Variants in SYT12 observed in about 807,000 individuals in gnomAD.
SYT12 encodes synaptotagmin 12, also known as synaptotagmin-12.
SYT12 carries 27 observed loss-of-function variants against 39.5 expected under a neutral mutation model. The observed-to-expected ratio is 0.68, with a 90% confidence interval of 0.50 to 0.94. The LOEUF (loss-of-function observed/expected upper bound fraction) is 0.94. SYT12 is among the 40% of genes least tolerant of loss of function. The probability of loss-of-function intolerance (pLI) is 0.00; values close to 1 mark genes in which losing one functional copy is unlikely to be tolerated. For synonymous variants in SYT12, 233 were observed against 239.7 expected (o/e 0.97, Z 0.26); for missense variants, 536 against 572.6 (o/e 0.94, Z 0.65).
At chr11:67,012,997 G>A (rs781075682) in intron 3 of SYT12, among the ~76,000 whole-genome samples, 1 of 152,150 alleles carries the variant, frequency 6.6e-6, no homozygotes, top group African/African-American at 2.4e-5. Context: ...GAATCTGCCC[G>A]TCATTCCTGA....
chr11:67,019,305 T>C (rs1012830589), upstream of SYT12, among the ~76,000 whole-genome samples: 1 of 151,920 alleles, frequency 6.6e-6, no homozygotes, highest in Non-Finnish European at 1.5e-5. Context: ...AAACCCCATC[T>C]CTACTAAAAA....
intron 1 of SYT12, 69 bp downstream of exon 1, chr11:67,023,529 C>G (rs1346406880): frequency 6.6e-6 from 1 of 151,906 alleles, no homozygotes; most frequent in Non-Finnish European, 1.5e-5. Flanking sequence ...GCACGCAGCC[C>G]CCTCCTCGGG....
chr11:67,036,946 G>C (rs1255569493), intron 3 of SYT12, among the ~76,000 whole-genome samples: 1 of 152,212 alleles, frequency 6.6e-6, no homozygotes, highest in Non-Finnish European at 1.5e-5. Flanking sequence ...GGTGGCGCAT[G>C]CCTGTAATCC....
chr11:67,008,829 A>G (rs1949990925), intron 1 of SYT12, among the ~76,000 whole-genome samples: 1 of 152,194 alleles, frequency 6.6e-6, no homozygotes, highest in South Asian at 2.1e-4. Context: ...GGCGTGAGCC[A>G]CTGCACCCAG....
intron 3 of SYT12, 85 bp downstream of exon 3, chr11:67,034,923 C>T (rs970678012): frequency 2.3e-5 from 25 of 1,077,358 alleles, no homozygotes; most frequent in Non-Finnish European, 2.9e-5. Flanking sequence ...GCCCCTCTCC[C>T]TCCGTCACCA....
In SYT12 at chr11:67,045,787, G is replaced by A. The variant is rs1299293281; in HGVS notation, c.1002G>A (p.Met334Ile). The A allele has an allele frequency of 6.2e-7, 1 of 1,613,900 alleles. No individual in the cohort carries two copies. The highest frequency in any genetic ancestry group is 1.7e-5 in the Admixed American group (1 of 59,974). The change falls in exon 7 of 8, where the codon ATG (methionine) becomes ATA (isoleucine). Residue 334 changes from methionine (M) to isoleucine (I), a missense_variant. Transcript: ENST00000527043. ...KVYLLQDGRK[M>I]SKKKTAVKRD... is the part of the protein sequence containing the mutation. ...ACCTGCTGCAGGATGGGAGGAAGAT[G>A]AGCAAAAAGAAGACAGCCGTGAAGA...
In SYT12 at chr11:67,050,463, A is replaced by G. The variant is rs1854717024; in HGVS notation, c.*1706A>G. ...CAGTGATATGGGGGGAGGAGGGGCT[A>G]GAACAAGGGCCCAGGGGACTGGAGG... On this transcript the variant is annotated 3_prime_UTR_variant, in exon 8 of 8. Transcript: ENST00000527043. The G allele has an allele frequency of 6.6e-6, 1 of 152,646 alleles. No homozygotes were observed. The highest frequency in any genetic ancestry group is 6.5e-5 in the Admixed American group (1 of 15,292). 9.5% of individuals were successfully genotyped at this position (152,646 alleles called of 1,614,324 possible). A position where few individuals can be genotyped will look rare whatever the true frequency, so the allele number is the denominator to read the frequency against.
At position 67,049,442 on chromosome 11, in the gene SYT12, C is replaced by T. The variant is rs182582338; in HGVS notation, c.*685C>T. The T allele has an allele frequency of 3.9e-5, 6 of 152,366 alleles. No homozygotes were observed. Among genetic ancestry groups the T allele is most frequent in the Admixed American group, 3.9e-4 (6 of 15,302 alleles). The allele number at this position is 152,366 out of a possible 1,614,324, so 9.4% of individuals were successfully genotyped here. A position where few individuals can be genotyped will look rare whatever the true frequency, so the allele number is the denominator to read the frequency against. On this transcript the variant is annotated 3_prime_UTR_variant, in exon 8 of 8. Coordinates refer to ENST00000527043, the MANE Select transcript of SYT12 (RefSeq NM_177963.4). ...GGCCCGGGCAGCAGCCTACCGGCCA[C>T]GTGGAACACTGGCTCCGGAGTTATT...
rs78683901 is a variant in SYT12, at chr11:67,048,750, G to A, written c.1259G>A (p.Arg420Gln). ...RPVSMWHAVR[R>Q]N ...GTGTCCATGTGGCACGCTGTCCGGCGAAACTAGCAACCAGGGCGGGCCAGT... is the reference window on the plus strand; with the variant it reads ...GTGTCCATGTGGCACGCTGTCCGGCAAAACTAGCAACCAGGGCGGGCCAGT... Residue 420 changes from arginine (R) to glutamine (Q), a missense_variant, in exon 8 of 8, where the codon CGA becomes CAA. Arg to Gln is a conservative substitution (Grantham distance 43, BLOSUM62 1). Coordinates refer to ENST00000527043, the MANE Select transcript of SYT12 (RefSeq NM_177963.4). 2.9e-4 allele frequency: 469 copies of A among 1,593,644 alleles called. No homozygotes were observed. In the African/African-American group the frequency reaches 5.1e-3, roughly 17 times the overall value.
At chr11:67,022,519 C>G (rs949174851), upstream of SYT12, among the ~76,000 whole-genome samples, 7 of 152,252 alleles carry the variant, frequency 4.6e-5, no homozygotes, top group African/African-American at 1.7e-4. Flanking sequence ...GATGGAAGAT[C>G]GCCCACACCT....
chr11:67,043,915 G>C, intron 5 of SYT12, 62 bp downstream of exon 5: 1 of 1,480,952 alleles, frequency 6.8e-7, no homozygotes, highest in East Asian at 2.3e-5. Flanking sequence ...CTTCCAGGAA[G>C]GGACTCCATC....
chr11:67,016,806 G>C (rs1950062775), intron 3 of SYT12, among the ~76,000 whole-genome samples: 2 of 151,996 alleles, frequency 1.3e-5, no homozygotes, highest in Non-Finnish European at 2.9e-5. Context: ...AGCCAGCACT[G>C]CCCCAGAGGA....
intron 7 of SYT12, 102 bp from the exon 8 acceptor site, chr11:67,048,482 T>A: frequency 7.7e-7 from 1 of 1,306,554 alleles, no homozygotes; most frequent in Non-Finnish European, 1.1e-6. Context: ...GAGCTGTGCC[T>A]GGCACCCCAC....
At position 67,036,639 on chromosome 11, in the gene SYT12, GA is replaced by G. The variant is rs1318742469; in HGVS notation, c.228+1808del. Among the ~76,000 whole-genome samples, 12 of 152,062 alleles carry G rather than the reference GA, an allele frequency of 7.9e-5. No individual in the cohort carries two copies. In the East Asian group the frequency reaches 2.1e-3, roughly 27 times the overall value. On this transcript the variant is annotated intron_variant, in intron 3 of 7. Coordinates refer to ENST00000527043, the MANE Select transcript of SYT12 (RefSeq NM_177963.4). Reference sequence around the variant, plus strand: ...CACGCTGTTGGGGGAATGTAAATTTGAAAAAAATTTTCCAGGCCTGGTGTGG... The same window carrying G: ...CACGCTGTTGGGGGAATGTAAATTTGAAAAAATTTTCCAGGCCTGGTGTGG...
chr11:67,046,586 T>A (rs555838972), intron 7 of SYT12, among the ~76,000 whole-genome samples: 1 of 152,316 alleles, frequency 6.6e-6, no homozygotes, highest in East Asian at 1.9e-4. Context: ...TCTGCCTCAC[T>A]CTGAGTGTTC....
chr11:67,015,471 TG>T lies in SYT12; in HGVS notation c.-69+4483del, dbSNP rs111228737. ...CTTTACCCTGGTGTGGAGGCGGTGG[TG>T]GGGGGTTGTGGCATGATGGGAGTCC... On this transcript the variant is annotated intron_variant, in intron 3 of 10. Transcript: ENST00000393946. Among the ~76,000 whole-genome samples the T allele has an allele frequency of 3.4e-5, 5 of 148,616 alleles. 1 individual carries two copies. The highest frequency in any genetic ancestry group is 1.2e-4 in the African/African-American group (5 of 40,216).
rs1281926595 is a variant in SYT12 at position 67,035,833 on chromosome 11, CCTTCCTTTCTTT to C, written c.228+999_228+1010del. 5.9e-4 allele frequency among the ~76,000 whole-genome samples: 60 copies of C among 102,476 alleles called. No individual in the cohort carries two copies. The Middle Eastern group carries it at 0.016, about 28-fold the overall frequency. 67.2% of individuals were successfully genotyped at this position (102,476 alleles called of 152,430 possible). A position where few individuals can be genotyped will look rare whatever the true frequency, so the allele number is the denominator to read the frequency against. ...TCCTTCCTTCCTTCCTTCCTTCCTTCCTTCCTTTCTTTCTTTCTTTCTTTCTTTCTTTCTTTC... is the reference window on the plus strand; with the variant it reads ...TCCTTCCTTCCTTCCTTCCTTCCTTCCTTTCTTTCTTTCTTTCTTTCTTTC... On this transcript the variant is annotated intron_variant, in intron 3 of 7. Transcript: ENST00000527043.
chr11:67,039,513 C>T (rs1290541385), intron 3 of SYT12, among the ~76,000 whole-genome samples: 2 of 152,066 alleles, frequency 1.3e-5, no homozygotes, highest in Non-Finnish European at 2.9e-5. Flanking sequence ...ACTCAGGAGG[C>T]TGAGGCAGGA....
intron 3 of SYT12, among the ~76,000 whole-genome samples, chr11:67,017,286 C>T (rs575122108): frequency 2.6e-5 from 4 of 151,850 alleles, no homozygotes; most frequent in Middle Eastern, 3.4e-3. Flanking sequence ...CTTTGGGAGG[C>T]GGAGGCAGAA....
Sources: gnomAD v4.1 joint callset for allele counts (sites outside exome capture counted in the v4.1 genomes callset) on GRCh38, gnomAD v4.1.1 for gene constraint, MANE v1.5 for transcripts, NCBI Gene and HGNC (gene_info 2026-07-23, HGNC 2026-07-21) for gene names.